Variants in RAI14 observed in about 807,000 individuals in gnomAD.
RAI14 encodes the protein retinoic acid induced 14.
RAI14 carries 45 observed loss-of-function variants against 115.4 expected under a neutral mutation model. That is an observed-to-expected ratio of 0.39 (90% CI 0.31 to 0.50). RAI14 has a LOEUF of 0.50. Ranked by LOEUF, RAI14 falls within the 20% of genes least tolerant of loss-of-function variation. The probability of loss-of-function intolerance (pLI) is 0.85; values close to 1 mark genes in which losing one functional copy is unlikely to be tolerated. For synonymous variants in RAI14, 371 were observed against 415.4 expected, an observed-to-expected ratio of 0.89 and a Z score of 1.30; for missense variants, 939 against 1,131.2, an observed-to-expected ratio of 0.83 and a Z score of 2.44.
chr5:34,660,688 T>C (rs1353592467), intron 1 of RAI14, among the ~76,000 whole-genome samples: 1 of 152,148 alleles, frequency 6.6e-6, no homozygotes, highest in African/African-American at 2.4e-5. Context: ...GTGACGCATT[T>C]TTACCCTAAT....
chr5:34,701,309 AG>A (rs1214735147), intron 2 of RAI14, among the ~76,000 whole-genome samples: 1 of 152,186 alleles, frequency 6.6e-6, no homozygotes, highest in African/African-American at 2.4e-5. Flanking sequence ...GGCCCTGCAA[AG>A]CTCCTTCTTT....
chr5:34,657,045 C>A (rs2149834096), intron 1 of RAI14: 1 of 152,266 alleles, frequency 6.6e-6, no homozygotes, highest in East Asian at 2.0e-4. Flanking sequence ...TCCAGGGAGC[C>A]CCTCGGCCGG....
rs762074727 is a variant in RAI14 at position 34,826,353 on chromosome 5, C to T, written c.2673C>T (p.Val891=). The change falls in exon 16 of 18, where the codon GTC becomes GTT. Residue 891 remains valine, a synonymous_variant. Transcript: ENST00000265109. ...AGATAAATGAGATGTCGAAGGAAGT[C>T]ACCAAATTGAAGGAGGCCTTGAACA... ...DKKINEMSKE[V]TKLKEALNSL... The T allele has an allele frequency of 2.5e-6, 4 of 1,613,950 alleles. No individual in the cohort carries two copies. The South Asian group carries it at 4.4e-5, about 18-fold the overall frequency.
At chr5:34,718,474 A>G (rs922404609) in intron 2 of RAI14, among the ~76,000 whole-genome samples, 3 of 152,240 alleles carry the variant, frequency 2.0e-5, no homozygotes, top group African/African-American at 7.2e-5. Flanking sequence ...TTGAATTACA[A>G]TTATCATGGA....
At chr5:34,825,724 G>A (rs148613052) in intron 15 of RAI14, among the ~76,000 whole-genome samples, 180 of 152,020 alleles carry the variant, frequency 1.2e-3, no homozygotes, top group Middle Eastern at 6.8e-3. Context: ...CGCCTCAATC[G>A]GCTCTGCATC....
chr5:34,731,293 TATACTC>T (rs969378958), intron 2 of RAI14, among the ~76,000 whole-genome samples: 1 of 152,188 alleles, frequency 6.6e-6, no homozygotes, highest in African/African-American at 2.4e-5. Flanking sequence ...ATTGAGAAAA[TATACTC>T]ATATACATAT....
chr5:34,757,231 T>G (rs1387237845), intron 2 of RAI14: 7 of 565,914 alleles, frequency 1.2e-5, no homozygotes, highest in Non-Finnish European at 2.0e-5. Context: ...GTAAATTTTA[T>G]CTCAGAGTTT....
At chr5:34,708,800 T>G (rs1741042751) in intron 2 of RAI14, among the ~76,000 whole-genome samples, 1 of 152,134 alleles carries the variant, frequency 6.6e-6, no homozygotes, top group Non-Finnish European at 1.5e-5. Flanking sequence ...TAAAATAAGT[T>G]GCCTGAGAGC....
chr5:34,744,062 C>T (rs1298567676), intron 2 of RAI14, among the ~76,000 whole-genome samples: 2 of 152,144 alleles, frequency 1.3e-5, no homozygotes, highest in African/African-American at 2.4e-5. Context: ...TGTAATGTAT[C>T]GCTTGGGTGA....
chr5:34,685,432 A>T (rs532769982), intron 1 of RAI14, among the ~76,000 whole-genome samples: 7 of 152,262 alleles, frequency 4.6e-5, no homozygotes, highest in African/African-American at 1.7e-4. Context: ...ATACAGAGTG[A>T]TACAATGGAC....
intron 1 of RAI14, among the ~76,000 whole-genome samples, chr5:34,668,959 C>T (rs565941218): frequency 4.6e-5 from 7 of 152,232 alleles, no homozygotes; most frequent in African/African-American, 1.2e-4. Context: ...CAGGTTTAAG[C>T]GATTCTCCTG....
chr5:34,768,675 A>G (rs1260686216), intron 3 of RAI14, among the ~76,000 whole-genome samples: 1 of 152,172 alleles, frequency 6.6e-6, no homozygotes, highest in East Asian at 1.9e-4. Flanking sequence ...TCCTGAAGAA[A>G]AAGAGCAAAT....
At chr5:34,761,923 C>T (rs369348143) in intron 3 of RAI14, among the ~76,000 whole-genome samples, 19 of 152,242 alleles carry the variant, frequency 1.2e-4, no homozygotes, top group African/African-American at 4.1e-4. Flanking sequence ...ACTACCACAC[C>T]CACCTTTATT....
chr5:34,733,970 G>A (rs1299596676), intron 2 of RAI14, among the ~76,000 whole-genome samples: 4 of 152,150 alleles, frequency 2.6e-5, no homozygotes, highest in African/African-American at 7.2e-5. Context: ...GCTTCATAAC[G>A]TAGTGTCCCA....
chr5:34,750,554 G>A (rs1426785075), intron 2 of RAI14, among the ~76,000 whole-genome samples: 1 of 152,112 alleles, frequency 6.6e-6, no homozygotes, highest in Admixed American at 6.6e-5. Context: ...AAAAACTGAA[G>A]CACAGGACTT....
chr5:34,713,951 T>C (rs1477318522), intron 2 of RAI14, among the ~76,000 whole-genome samples: 1 of 152,158 alleles, frequency 6.6e-6, no homozygotes, highest in Non-Finnish European at 1.5e-5. Context: ...ATTACAGGCA[T>C]GTGCCACCAC....
chr5:34,801,751 A>G (rs1754297130), intron 4 of RAI14, among the ~76,000 whole-genome samples: 1 of 151,058 alleles, frequency 6.6e-6, no homozygotes, highest in Admixed American at 6.6e-5. Context: ...AAAAAAAGGT[A>G]TTTGGGGCCT....
In RAI14 at chr5:34,795,924, T is replaced by A; in HGVS notation, c.168-15T>A. ...GTAGAAATCTCAAGGAGATTGTGTT[T>A]ACTTCTCTTTCCAGTTTCCATCTTG... is the stretch of plus-strand genomic sequence containing the variant. On this transcript the variant is annotated splice_polypyrimidine_tract_variant and intron_variant, in intron 3 of 17. Transcript: ENST00000265109. 1 of 1,603,448 alleles carries A rather than the reference T, an allele frequency of 6.2e-7. No homozygotes were observed. Among genetic ancestry groups the A allele is most frequent in the Non-Finnish European group, 8.5e-7 (1 of 1,170,524 alleles).
chr5:34,807,166 G>C (rs796802074), intron 5 of RAI14, among the ~76,000 whole-genome samples: 37 of 152,258 alleles, frequency 2.4e-4, no homozygotes, highest in African/African-American at 8.9e-4. Flanking sequence ...GCTTACCAGG[G>C]AAAAGAGCTT....
Sources: gnomAD v4.1 joint callset for allele counts (sites outside exome capture counted in the v4.1 genomes callset) on GRCh38, gnomAD v4.1.1 for gene constraint, MANE v1.5 for transcripts, NCBI Gene and HGNC (gene_info 2026-07-23, HGNC 2026-07-21) for gene names.